MMP16: variants seen among roughly 807,000 people sequenced by gnomAD.
The protein encoded by MMP16 is matrix metallopeptidase 16.
Under a neutral mutation model 67.8 loss-of-function variants are expected in MMP16, and 12 were observed. The observed-to-expected ratio is 0.18, with a 90% confidence interval of 0.11 to 0.29. MMP16 has a LOEUF of 0.29. Ranked by LOEUF, MMP16 falls within the 10% of genes least tolerant of loss-of-function variation. The probability of loss-of-function intolerance (pLI) is 1.00; values close to 1 mark genes in which losing one functional copy is unlikely to be tolerated. For missense variants in MMP16, 475 were observed against 765.7 expected (o/e 0.62, Z 4.48); for synonymous variants, 249 against 255.9 (o/e 0.97, Z 0.26).
At chr8:88,131,317 C>A (rs188770257) in intron 4 of MMP16, among the ~76,000 whole-genome samples, 12 of 149,518 alleles carry the variant, frequency 8.0e-5, no homozygotes, top group Admixed American at 6.7e-4. Context: ...ATTTCATCAC[C>A]TAAACTAACG....
chr8:88,276,555 T>A (rs1392135537), intron 1 of MMP16, among the ~76,000 whole-genome samples: 5 of 152,134 alleles, frequency 3.3e-5, no homozygotes, highest in Admixed American at 3.3e-4. Context: ...CAAAATTAGT[T>A]ACCCATGATT....
chr8:88,064,061 C>T (rs757381853), intron 7 of MMP16, among the ~76,000 whole-genome samples: 5 of 152,134 alleles, frequency 3.3e-5, no homozygotes, highest in Non-Finnish European at 5.9e-5. Context: ...CTAGCTGCCA[C>T]CTGTTCTTGT....
At chr8:88,290,829 A>T (rs1810915198) in intron 1 of MMP16, among the ~76,000 whole-genome samples, 1 of 152,206 alleles carries the variant, frequency 6.6e-6, no homozygotes, top group Non-Finnish European at 1.5e-5. Context: ...CTAAGATAAA[A>T]GGAAACAGGG....
At chr8:88,312,847 A>G (rs1003014480) in intron 1 of MMP16, among the ~76,000 whole-genome samples, 2 of 152,168 alleles carry the variant, frequency 1.3e-5, no homozygotes, top group Admixed American at 1.3e-4. Context: ...GCATGCCTGT[A>G]ATCCCAGCCA....
intron 1 of MMP16, among the ~76,000 whole-genome samples, chr8:88,213,722 G>GT (rs898247052): frequency 1.3e-5 from 2 of 152,146 alleles, no homozygotes; most frequent in Non-Finnish European, 2.9e-5. Flanking sequence ...CTGAGGCTAG[G>GT]TATTAACTTT....
chr8:88,250,767 C>CTT (rs71277989), intron 1 of MMP16, among the ~76,000 whole-genome samples: 13 of 145,604 alleles, frequency 8.9e-5, no homozygotes, highest in African/African-American at 1.5e-4. Flanking sequence ...TAGTCTTTTT[C>CTT]TTTTTTTTTT....
At chr8:88,119,051 A>C (rs781735859) in intron 4 of MMP16, among the ~76,000 whole-genome samples, 190 bp from the exon 5 acceptor site, 17 of 152,084 alleles carry the variant, frequency 1.1e-4, no homozygotes, top group Non-Finnish European at 2.1e-4. Flanking sequence ...AAAAAGGGTC[A>C]AGGGAAGAGG....
chr8:88,170,683 TGAG>T (rs1228891807), intron 3 of MMP16, among the ~76,000 whole-genome samples: 3 of 150,726 alleles, frequency 2.0e-5, no homozygotes, highest in Admixed American at 6.6e-5. Flanking sequence ...GGTGAGGGGG[TGAG>T]GAGATGATAA....
At chr8:88,145,269 G>T (rs1253309384) in intron 4 of MMP16, among the ~76,000 whole-genome samples, 3 of 151,914 alleles carry the variant, frequency 2.0e-5, no homozygotes, top group Non-Finnish European at 4.4e-5. Context: ...CCATGTTCCT[G>T]TGCTGAAAAC....
At chr8:88,213,580 C>G (rs1809544299) in intron 1 of MMP16, among the ~76,000 whole-genome samples, 1 of 151,930 alleles carries the variant, frequency 6.6e-6, no homozygotes, top group East Asian at 1.9e-4. Context: ...AAACTTAGAG[C>G]AAAGATAGAA....
chr8:88,252,284 TC>T, intron 1 of MMP16, among the ~76,000 whole-genome samples: 1 of 152,242 alleles, frequency 6.6e-6, no homozygotes, highest in South Asian at 2.1e-4. Context: ...ATGGCTGCAG[TC>T]TTCCCTAGGG....
rs1210824406 is a variant in MMP16 at position 88,070,438 on chromosome 8, C to T, written c.1222+4167G>A. Among the ~76,000 whole-genome samples, 7 of 152,108 alleles carry T rather than the reference C, an allele frequency of 4.6e-5. No homozygotes were observed. In the South Asian group the frequency reaches 6.2e-4, roughly 13 times the overall value. ...GGGGGCAGCCGGTACTATGGCCCTC[C>T]GTGAGTGTCAGGCACTGCTCCTTTT... On this transcript the variant is annotated intron_variant, in intron 7 of 9. Coordinates refer to ENST00000286614, the MANE Select transcript of MMP16 (RefSeq NM_005941.5).
chr8:88,109,043 T>C (rs1809289639), intron 6 of MMP16, among the ~76,000 whole-genome samples: 1 of 151,316 alleles, frequency 6.6e-6, no homozygotes, highest in African/African-American at 2.4e-5. Context: ...ATCAAGAACT[T>C]CTCTCATGAA....
chr8:88,275,277 T>C (rs889809782), intron 1 of MMP16, among the ~76,000 whole-genome samples: 2 of 151,848 alleles, frequency 1.3e-5, no homozygotes, highest in Non-Finnish European at 2.9e-5. Context: ...ATATACAAAA[T>C]GAAACTAAGA....
chr8:88,157,320 A>C (rs183674392), intron 4 of MMP16, among the ~76,000 whole-genome samples: 3 of 152,226 alleles, frequency 2.0e-5, no homozygotes, highest in Non-Finnish European at 4.4e-5. Flanking sequence ...AGTAGGCTAA[A>C]GATGACTTAA....
chr8:88,180,933 A>G (rs1808969596), intron 3 of MMP16, among the ~76,000 whole-genome samples: 1 of 152,170 alleles, frequency 6.6e-6, no homozygotes, highest in South Asian at 2.1e-4. Context: ...CAAAAGAAGA[A>G]AATTCATATT....
At chr8:88,154,059 C>T (rs1433715383) in intron 4 of MMP16, among the ~76,000 whole-genome samples, 98 of 145,128 alleles carry the variant, frequency 6.8e-4, no homozygotes, top group African/African-American at 1.3e-3. Flanking sequence ...GGGCAAAGGA[C>T]ATGAACAGAC....
At chr8:88,110,969 T>C (rs567975146) in intron 6 of MMP16, among the ~76,000 whole-genome samples, 2 of 151,788 alleles carry the variant, frequency 1.3e-5, no homozygotes, top group Admixed American at 6.6e-5. Flanking sequence ...AGATCAGATA[T>C]ACTTAGCAAA....
At chr8:88,291,692 G>C (rs948440833) in intron 1 of MMP16, among the ~76,000 whole-genome samples, 1 of 152,046 alleles carries the variant, frequency 6.6e-6, no homozygotes, top group Admixed American at 6.5e-5. Context: ...AAAATACCAA[G>C]TCCCAAGCAA....
Sources: gnomAD v4.1 joint callset for allele counts (sites outside exome capture counted in the v4.1 genomes callset) on GRCh38, gnomAD v4.1.1 for gene constraint, MANE v1.5 for transcripts, NCBI Gene and HGNC (gene_info 2026-07-23, HGNC 2026-07-21) for gene names.